NAALADL2: variants seen among roughly 807,000 people sequenced by gnomAD.
NAALADL2 encodes the protein inactive N-acetylated-alpha-linked acidic dipeptidase-like protein 2.
NAALADL2 carries 76 observed loss-of-function variants against 87.2 expected under a neutral mutation model. The ratio of observed to expected loss-of-function variants is 0.87; its 90% CI spans 0.72 to 1.05. NAALADL2 has a LOEUF of 1.05. Ranked by LOEUF, NAALADL2 falls within the 50% of genes least tolerant of loss-of-function variation. The probability of loss-of-function intolerance (pLI) is 0.00; values close to 1 mark genes in which losing one functional copy is unlikely to be tolerated. For missense variants in NAALADL2, 1,089 were observed against 945.8 expected (o/e 1.15, Z -1.99); for synonymous variants, 354 against 331.0 (o/e 1.07, Z -0.75).
intron 4 of NAALADL2, among the ~76,000 whole-genome samples, chr3:175,311,962 G>T (rs770930177): frequency 5.9e-5 from 9 of 152,138 alleles, no homozygotes; most frequent in Non-Finnish European, 1.0e-4. Flanking sequence ...GAAGAAGAAT[G>T]ATGTGATTAT....
intron 3 of NAALADL2, among the ~76,000 whole-genome samples, chr3:174,783,258 G>C (rs1479920773): frequency 6.6e-6 from 1 of 152,190 alleles, no homozygotes; most frequent in Non-Finnish European, 1.5e-5. Flanking sequence ...TAGTGGGGTA[G>C]AGGTATTTAG....
intron 2 of NAALADL2, among the ~76,000 whole-genome samples, chr3:174,640,734 G>A (rs906732217): frequency 1.3e-5 from 2 of 152,174 alleles, no homozygotes; most frequent in African/African-American, 4.8e-5. Flanking sequence ...GCATGAGCTG[G>A]ATTTTGCCTG....
intron 1 of NAALADL2, among the ~76,000 whole-genome samples, chr3:175,033,491 G>A (rs1467578291): frequency 6.6e-6 from 1 of 152,066 alleles, no homozygotes; most frequent in East Asian, 1.9e-4. Context: ...CAGCTACTTA[G>A]AAGAATTTAT....
At chr3:175,171,523 G>A (rs1481990963) in intron 2 of NAALADL2, among the ~76,000 whole-genome samples, 1 of 151,920 alleles carries the variant, frequency 6.6e-6, no homozygotes, top group Non-Finnish European at 1.5e-5. Context: ...TATGAACATT[G>A]GTAGTATGAA....
chr3:175,495,093 T>TATATATA (rs1491546516), intron 9 of NAALADL2, among the ~76,000 whole-genome samples: 1 of 116,682 alleles, frequency 8.6e-6, no homozygotes, highest in African/African-American at 3.1e-5. Context: ...TATATATATA[T>TATATATA]TTTTTTTTAA....
At chr3:175,292,046 C>A (rs1357736000) in intron 4 of NAALADL2, among the ~76,000 whole-genome samples, 1 of 152,226 alleles carries the variant, frequency 6.6e-6, no homozygotes, top group African/African-American at 2.4e-5. Context: ...TCAGAGAATG[C>A]CATTTGAAAA....
At chr3:175,606,603 T>G (rs1723775962) in intron 10 of NAALADL2, among the ~76,000 whole-genome samples, 1 of 152,178 alleles carries the variant, frequency 6.6e-6, no homozygotes, top group Admixed American at 6.5e-5. Context: ...AACAGATCTT[T>G]CTGGTAGAGC....
Position 175,806,839 on chromosome 3 carries a change from C to G in NAALADL2, c.*3636C>G, listed in dbSNP as rs1041966230. ...GGCCCACTGTATTCAGTTCTTTGTT[C>G]TTTACACTGAGTGCCGAAAAAAAAA... is the stretch of plus-strand genomic sequence containing the variant. On this transcript the variant is annotated 3_prime_UTR_variant, in exon 14 of 14. Transcript: ENST00000454872. 1 of 149,956 alleles carries G rather than the reference C, an allele frequency of 6.7e-6. No individual in the cohort carries two copies. The highest frequency in any genetic ancestry group is 2.4e-5 in the African/African-American group (1 of 40,822). The allele number at this position is 149,956 out of a possible 1,614,324, so 9.3% of individuals were successfully genotyped here.
intron 9 of NAALADL2, among the ~76,000 whole-genome samples, chr3:175,574,082 A>C (rs1482643223): frequency 2.0e-5 from 3 of 152,224 alleles, no homozygotes; most frequent in African/African-American, 7.2e-5. Flanking sequence ...TTATTAAAAC[A>C]TTATTATATG....
intron 5 of NAALADL2, among the ~76,000 whole-genome samples, chr3:175,402,193 A>G (rs1380600868): frequency 2.0e-5 from 3 of 152,106 alleles, no homozygotes; most frequent in African/African-American, 7.2e-5. Flanking sequence ...TGAAAACATA[A>G]AACAAATTGT....
At chr3:174,650,432 GGTA>G (rs1209812266) in intron 2 of NAALADL2, among the ~76,000 whole-genome samples, 1 of 152,050 alleles carries the variant, frequency 6.6e-6, no homozygotes, top group African/African-American at 2.4e-5. Flanking sequence ...TGTTATTGAA[GGTA>G]GTTTAACCCA....
intron 5 of NAALADL2, among the ~76,000 whole-genome samples, chr3:175,415,606 A>C (rs567660586): frequency 2.0e-5 from 3 of 152,284 alleles, no homozygotes; most frequent in Admixed American, 1.3e-4. Context: ...ATACAAACTC[A>C]TACAGTAATA....
chr3:174,611,043 T>G (rs918732583), intron 2 of NAALADL2, among the ~76,000 whole-genome samples: 13 of 152,138 alleles, frequency 8.5e-5, no homozygotes, highest in African/African-American at 3.1e-4. Context: ...GAAATCATCA[T>G]TCTCAGTAAA....
chr3:174,522,950 A>G (rs1237757126), intron 1 of NAALADL2, among the ~76,000 whole-genome samples: 17 of 150,668 alleles, frequency 1.1e-4, no homozygotes, highest in African/African-American at 4.1e-4. Context: ...AAAAAAAAAA[A>G]AAAAAAAGAA....
At chr3:174,753,624 G>T (rs1179961175) in intron 3 of NAALADL2, among the ~76,000 whole-genome samples, 3 of 152,132 alleles carry the variant, frequency 2.0e-5, no homozygotes, top group African/African-American at 7.2e-5. Context: ...GGAGGGGATG[G>T]GGGATAAGAA....
chr3:175,585,144 A>G (rs1720359128), intron 10 of NAALADL2, among the ~76,000 whole-genome samples: 1 of 151,654 alleles, frequency 6.6e-6, no homozygotes, highest in South Asian at 2.1e-4. Flanking sequence ...ATTTTTATAA[A>G]TTATTTATTT....
intron 2 of NAALADL2, among the ~76,000 whole-genome samples, chr3:175,232,247 G>GAAGAAAGAAGAAAA (rs1365738784): frequency 8.4e-6 from 1 of 118,510 alleles, no homozygotes; most frequent in Non-Finnish European, 1.9e-5. Flanking sequence ...GAAGAAGAAA[G>GAAGAAAGAAGAAAA]AACAAGAAGA....
upstream of NAALADL2, among the ~76,000 whole-genome samples, chr3:174,855,816 ACAC>A (rs1251095539): frequency 1.1e-3 from 152 of 135,522 alleles, 4 homozygotes; most frequent in African/African-American, 3.9e-3. Context: ...ACACACACAC[ACAC>A]ATGTATATGT....
At chr3:175,182,566 T>G (rs1428009019) in intron 2 of NAALADL2, among the ~76,000 whole-genome samples, 1 of 110,518 alleles carries the variant, frequency 9.0e-6, no homozygotes, top group Non-Finnish European at 1.9e-5. Flanking sequence ...TTTTTTTTTT[T>G]TTTTTTTTTT....
Sources: gnomAD v4.1 joint callset for allele counts (sites outside exome capture counted in the v4.1 genomes callset) on GRCh38, gnomAD v4.1.1 for gene constraint, MANE v1.5 for transcripts, NCBI Gene and HGNC (gene_info 2026-07-23, HGNC 2026-07-21) for gene names.